IGF1R: variants seen among roughly 807,000 people sequenced by gnomAD.
IGF1R encodes insulin-like growth factor 1 receptor.
In IGF1R, 44 loss-of-function variants were observed where a neutral mutation model predicts 144.6. That is an observed-to-expected ratio of 0.30 (90% CI 0.24 to 0.39). The LOEUF (loss-of-function observed/expected upper bound fraction) is 0.39. Ranked by LOEUF, IGF1R falls within the 10% of genes least tolerant of loss-of-function variation. The pLI, the probability that IGF1R is intolerant of heterozygous loss-of-function variation, is 1.00. For synonymous variants in IGF1R, 795 were observed against 722.8 expected (o/e 1.10, Z -1.60); for missense variants, 1,355 against 1,833.7 (o/e 0.74, Z 4.77).
intron 1 of IGF1R, among the ~76,000 whole-genome samples, chr15:98,673,619 C>T (rs544874452): frequency 6.6e-6 from 1 of 152,308 alleles, no homozygotes; most frequent in South Asian, 2.1e-4. Flanking sequence ...ACTGGATCCC[C>T]CCATGCTGGG....
intron 3 of IGF1R, among the ~76,000 whole-genome samples, chr15:98,892,731 G>A (rs1280071862): frequency 6.6e-6 from 1 of 152,080 alleles, no homozygotes; most frequent in African/African-American, 2.4e-5. Context: ...CTGGAGCAGA[G>A]TAAAGAACTT....
In IGF1R at chr15:98,957,464, C is replaced by T. The variant is rs367953477; in HGVS notation, c.*22C>T. 79 of 1,612,292 alleles carry T rather than the reference C, an allele frequency of 4.9e-5. No homozygotes were observed. Among genetic ancestry groups the T allele is most frequent in the Non-Finnish European group, 6.5e-5 (77 of 1,179,924 alleles). On this transcript the variant is annotated 3_prime_UTR_variant, in exon 21 of 21. Transcript: ENST00000650285. Reference sequence around the variant, plus strand: ...CTGATCCTTGGATCCTGAATCTGTGCAAACAGTAACGTGTGCGCACGCGCA... The same window carrying T: ...CTGATCCTTGGATCCTGAATCTGTGTAAACAGTAACGTGTGCGCACGCGCA...
rs45443298 is a variant in IGF1R at position 98,698,900 on chromosome 15, GAGTAC to G, written c.95-8659_95-8655del. Among the ~76,000 whole-genome samples, 552 of 152,358 alleles carry G rather than the reference GAGTAC, an allele frequency of 3.6e-3. 5 individuals are homozygous for G. The highest frequency in any genetic ancestry group is 0.013 in the African/African-American group (521 of 41,590). ...ACTTAGATAACTGGCTAATTGAAAA[GAGTAC>G]AGGTCACTTAAGGAAACTGGAGCAT... On this transcript the variant is annotated intron_variant, in intron 1 of 20. Transcript: ENST00000650285.
At chr15:98,774,448 T>C (rs2141378160) in intron 2 of IGF1R, among the ~76,000 whole-genome samples, 1 of 152,350 alleles carries the variant, frequency 6.6e-6, no homozygotes, top group South Asian at 2.1e-4. Context: ...AGGGTTTGAC[T>C]ATCGAGTTTA....
chr15:98,717,200 C>T (rs1308218687), intron 2 of IGF1R, among the ~76,000 whole-genome samples: 1 of 152,152 alleles, frequency 6.6e-6, no homozygotes, highest in Non-Finnish European at 1.5e-5. Flanking sequence ...ATCTGTTTGC[C>T]TCAGGTATGT....
At chr15:98,652,582 G>T (rs1372767550) in intron 1 of IGF1R, among the ~76,000 whole-genome samples, 4 of 152,180 alleles carry the variant, frequency 2.6e-5, no homozygotes, top group African/African-American at 9.7e-5. Flanking sequence ...GATTAGAAAA[G>T]TTCAACTCTA....
intron 1 of IGF1R, among the ~76,000 whole-genome samples, chr15:98,692,243 T>G (rs1449514061): frequency 1.3e-5 from 2 of 152,120 alleles, no homozygotes; most frequent in Non-Finnish European, 2.9e-5. Context: ...GAGGCTGATG[T>G]GGGAGTATCA....
intron 2 of IGF1R, among the ~76,000 whole-genome samples, chr15:98,767,040 G>A (rs45466598): frequency 0.017 from 2,527 of 152,096 alleles, 67 homozygotes; most frequent in African/African-American, 0.057. Context: ...TTGCCTACTC[G>A]CCCAGTGGTA....
intron 2 of IGF1R, among the ~76,000 whole-genome samples, chr15:98,722,563 G>C (rs565806282): frequency 6.6e-6 from 1 of 152,292 alleles, no homozygotes; most frequent in South Asian, 2.1e-4. Context: ...CCTCAAGCCG[G>C]TTTGGCTTAG....
At chr15:98,811,316 C>A (rs1596322716) in intron 2 of IGF1R, among the ~76,000 whole-genome samples, 2 of 148,606 alleles carry the variant, frequency 1.3e-5, no homozygotes, top group Admixed American at 6.7e-5. Flanking sequence ...GTCAGGAGAT[C>A]GAGACCATCC....
intron 2 of IGF1R, among the ~76,000 whole-genome samples, chr15:98,871,986 C>A (rs2012808905): frequency 6.6e-6 from 1 of 152,204 alleles, no homozygotes; most frequent in Non-Finnish European, 1.5e-5. Flanking sequence ...AAAAGGAACT[C>A]CTTCCTAGTG....
intron 2 of IGF1R, among the ~76,000 whole-genome samples, chr15:98,779,560 A>G (rs1228031985): frequency 1.3e-5 from 2 of 152,236 alleles, no homozygotes; most frequent in Non-Finnish European, 2.9e-5. Context: ...GGTTTGGACT[A>G]CTTCAGTTTC....
rs1170122473 is a variant in IGF1R at position 98,714,838 on chromosome 15, T to C, written c.640+6731T>C. 3.3e-5 allele frequency among the ~76,000 whole-genome samples: 5 copies of C among 152,140 alleles called. No homozygotes were observed. The East Asian group carries it at 9.6e-4, about 29-fold the overall frequency. On this transcript the variant is annotated intron_variant, in intron 2 of 20. Transcript: ENST00000650285. ...CATTTTTTTTTTAAACTTAAGCTAC[T>C]TGTGAAGAGCTGAGATGTTTCTGTT...
chr15:98,680,328 G>A (rs910966043), intron 1 of IGF1R, among the ~76,000 whole-genome samples: 12 of 151,628 alleles, frequency 7.9e-5, no homozygotes, highest in African/African-American at 2.7e-4. Context: ...GTGCAGTGGT[G>A]CAGTCTCGGC....
intron 5 of IGF1R, among the ~76,000 whole-genome samples, chr15:98,906,131 A>G (rs1307264133): frequency 6.6e-6 from 1 of 152,244 alleles, no homozygotes; most frequent in Non-Finnish European, 1.5e-5. Context: ...TGATTAGTCA[A>G]ATACACAGAA....
At chr15:98,874,318 A>G (rs1443559642) in intron 2 of IGF1R, among the ~76,000 whole-genome samples, 1 of 152,212 alleles carries the variant, frequency 6.6e-6, no homozygotes, top group Non-Finnish European at 1.5e-5. Context: ...CAGAGGCTTT[A>G]CTTAGACTAG....
intron 1 of IGF1R, among the ~76,000 whole-genome samples, chr15:98,667,765 C>T (rs2052781879): frequency 6.6e-6 from 1 of 152,146 alleles, no homozygotes; most frequent in Non-Finnish European, 1.5e-5. Context: ...CTGCTGCGGG[C>T]AACTGGTCTG....
chr15:98,764,181 C>CT (rs2055376621), intron 2 of IGF1R, among the ~76,000 whole-genome samples: 1 of 152,220 alleles, frequency 6.6e-6, no homozygotes, highest in Non-Finnish European at 1.5e-5. Flanking sequence ...CTTAGTAGAG[C>CT]TTTTAATTAC....
intron 2 of IGF1R, among the ~76,000 whole-genome samples, chr15:98,762,594 G>A (rs2055332986): frequency 6.6e-6 from 1 of 151,868 alleles, no homozygotes; most frequent in African/African-American, 2.4e-5. Context: ...TGGGCGTGGT[G>A]GCACGTGCCT....
Sources: allele counts gnomAD v4.1 joint callset (sites outside exome capture counted in the v4.1 genomes callset), GRCh38; gene constraint gnomAD v4.1.1; transcripts MANE v1.5; gene names NCBI Gene and HGNC (gene_info 2026-07-23, HGNC 2026-07-21).